The following ZNF251 variants were observed in gnomAD, a reference collection of about 807,000 sequenced individuals.
The protein encoded by ZNF251 is zinc finger protein 251.
A neutral mutation model predicts 13.5 loss-of-function variants in ZNF251; 14 were observed. The observed-to-expected ratio is 1.04, with a 90% CI of 0.69 to 1.63. The LOEUF is 1.63. ZNF251 is among the 40% of genes most tolerant of loss of function. ZNF251 has a pLI of 0.00. For synonymous variants in ZNF251, 287 were observed against 295.2 expected (o/e 0.97, Z 0.28); for missense variants, 764 against 834.9 (o/e 0.92, Z 1.05).
chr8:144,745,546 G>A (rs1002191645), intron 4 of ZNF251, among the ~76,000 whole-genome samples: 1 of 151,982 alleles, frequency 6.6e-6, no homozygotes, highest in African/African-American at 2.4e-5. Context: ...ATAACCTGCT[G>A]AGTTTTTTTC....
intron 4 of ZNF251, among the ~76,000 whole-genome samples, chr8:144,732,253 C>T (rs150805979): frequency 0.011 from 1,654 of 152,156 alleles, 30 homozygotes; most frequent in African/African-American, 0.032. Context: ...TTGCAATTTA[C>T]TTTAAAAACA....
At position 144,745,773 on chromosome 8, in the gene ZNF251, T is replaced by G. The variant is rs191241371; in HGVS notation, c.277+7910A>C. On this transcript the variant is annotated intron_variant, in intron 4 of 4. Coordinates refer to ENST00000292562, the MANE Select transcript of ZNF251 (RefSeq NM_138367.2). ...TATGTTGCCTAGGCTGGTCTTAAAC[T>G]CCTGGGCTTAAGCGATCCTCCTGCC... Among the ~76,000 whole-genome samples, 289 of 152,220 alleles carry G rather than the reference T, an allele frequency of 1.9e-3. 2 individuals carry two copies. Among genetic ancestry groups the G allele is most frequent in the Admixed American group, 9.7e-3 (148 of 15,288 alleles).
intron 4 of ZNF251, chr8:144,738,596 G>A (rs1241434740): frequency 7.1e-6 from 7 of 985,328 alleles, no homozygotes; most frequent in South Asian, 9.4e-5. Flanking sequence ...TGGCAGCCTC[G>A]TGATGCAACA....
intron 4 of ZNF251, among the ~76,000 whole-genome samples, chr8:144,745,341 G>A (rs187721761): frequency 6.6e-6 from 1 of 152,066 alleles, no homozygotes; most frequent in African/African-American, 2.4e-5. Context: ...TCTCTGTTCT[G>A]TTTCATTGAT....
chr8:144,745,058 A>AG (rs1167872818), intron 4 of ZNF251, among the ~76,000 whole-genome samples: 2 of 150,916 alleles, frequency 1.3e-5, no homozygotes, highest in Non-Finnish European at 2.9e-5. Context: ...CTCCATATGG[A>AG]GGGGGACGGG....
chr8:144,740,209 C>T (rs1239879390), intron 4 of ZNF251, among the ~76,000 whole-genome samples: 1 of 151,586 alleles, frequency 6.6e-6, no homozygotes, highest in Non-Finnish European at 1.5e-5. Flanking sequence ...GGCTTGAACC[C>T]GGGAGGTGGA....
chr8:144,723,698 G>A (rs1432421982), intron 4 of ZNF251, among the ~76,000 whole-genome samples: 1 of 152,200 alleles, frequency 6.6e-6, no homozygotes, highest in African/African-American at 2.4e-5. Context: ...GGTAAATATA[G>A]TCTCTGATCT....
intron 4 of ZNF251, among the ~76,000 whole-genome samples, chr8:144,738,157 ACACCATGC>A (rs1823989811): frequency 6.6e-6 from 1 of 152,124 alleles, no homozygotes; most frequent in African/African-American, 2.4e-5. Flanking sequence ...GCGGCCCAGC[ACACCATGC>A]CACCATGCCT....
intron 4 of ZNF251, among the ~76,000 whole-genome samples, chr8:144,742,307 G>C (rs892921688): frequency 3.9e-5 from 6 of 152,046 alleles, no homozygotes; most frequent in African/African-American, 1.4e-4. Context: ...AAGGTCTTTG[G>C]GCTGAAGGGA....
At position 144,722,390 on chromosome 8, in the gene ZNF251, C is replaced by G. The variant is rs765807577; in HGVS notation, c.1270G>C (p.Val424Leu). The change falls in exon 5 of 5, where the codon GTA (valine) becomes CTA (leucine). Residue 424 changes from valine (V) to leucine (L), a missense_variant. Physicochemically the swap from Val to Leu is conservative, Grantham distance 32 (BLOSUM62 1). Transcript: ENST00000292562. The surrounding 1 kb of genome is among the most constrained non-coding windows in gnomAD (Gnocchi z 4.8). ...FGFNSHLTEHVRIHTGEKPYV... is the reference protein window; with the variant it reads ...FGFNSHLTEHLRIHTGEKPYV... ...GGTTTTTCTCCTGTGTGAATCCTTA[C>G]GTGTTCAGTAAGATGAGAGTTAAAA... 20 of 1,613,720 alleles carry G rather than the reference C, an allele frequency of 1.2e-5. No individual in the cohort carries two copies. Among genetic ancestry groups the G allele is most frequent in the Non-Finnish European group, 1.7e-5 (20 of 1,179,876 alleles).
intron 4 of ZNF251, among the ~76,000 whole-genome samples, chr8:144,752,245 A>G (rs1393172117): frequency 6.6e-6 from 1 of 152,128 alleles, no homozygotes; most frequent in South Asian, 2.1e-4. Context: ...CAGAATACAC[A>G]TTCTTTTTCA....
At chr8:144,732,541 G>C (rs369848417) in intron 4 of ZNF251, among the ~76,000 whole-genome samples, 2 of 152,184 alleles carry the variant, frequency 1.3e-5, no homozygotes, top group Admixed American at 6.5e-5. Flanking sequence ...AGCCGGGCGC[G>C]GTGGCTCACG....
intron 4 of ZNF251, among the ~76,000 whole-genome samples, chr8:144,735,291 G>A (rs1169806578): frequency 2.0e-5 from 3 of 151,074 alleles, no homozygotes; most frequent in Non-Finnish European, 4.4e-5. Context: ...GGAGGCTGAG[G>A]TGGGAGAATT....
chr8:144,729,684 G>A (rs1243017743), intron 4 of ZNF251, among the ~76,000 whole-genome samples: 1 of 151,740 alleles, frequency 6.6e-6, no homozygotes, highest in African/African-American at 2.4e-5. Flanking sequence ...TCATATCAAC[G>A]TAACTGCCCG....
In ZNF251 at chr8:144,722,895, G is replaced by A; in HGVS notation, c.765C>T (p.His255=). ...GTTTATTTCCAGTGTGAATGTGATGGTGCAGAACAAGATTTGAGCTGTGAG... is the reference window on the plus strand; with the variant it reads ...GTTTATTTCCAGTGTGAATGTGATGATGCAGAACAAGATTTGAGCTGTGAG... ...AFTHSSNLVL[H]HHIHTGNKPF... The change falls in exon 5 of 5, where the codon CAC becomes CAT. Residue 255 remains histidine, a synonymous_variant. Coordinates refer to ENST00000292562, the MANE Select transcript of ZNF251 (RefSeq NM_138367.2). This position sits in a 1 kb window ranked among gnomAD's most constrained non-coding sequence, Gnocchi z 4.8. 1.2e-6 allele frequency: 2 copies of A among 1,613,854 alleles called. No homozygotes were observed. The highest frequency in any genetic ancestry group is 1.7e-6 in the Non-Finnish European group (2 of 1,179,856).
At chr8:144,729,427 C>T (rs1823625279) in intron 4 of ZNF251, among the ~76,000 whole-genome samples, 2 of 150,666 alleles carry the variant, frequency 1.3e-5, no homozygotes, top group Admixed American at 1.3e-4. Context: ...AGCTCCGCCT[C>T]CCGGGTTCAC....
At chr8:144,725,082 C>T (rs566891519) in intron 4 of ZNF251, among the ~76,000 whole-genome samples, 1 of 152,196 alleles carries the variant, frequency 6.6e-6, no homozygotes, top group South Asian at 2.1e-4. Context: ...GGCACGATCT[C>T]GGCTCACCAC....
At position 144,754,768 on chromosome 8, in the gene ZNF251, G is replaced by A. The variant is rs1563774527; in HGVS notation, c.-40C>T. 8.1e-6 allele frequency: 13 copies of A among 1,607,512 alleles called. No individual in the cohort carries two copies. The highest frequency in any genetic ancestry group is 3.3e-5 in the South Asian group (3 of 89,622). On this transcript the variant is annotated 5_prime_UTR_variant, in exon 2 of 5. Transcript: ENST00000292562. ...CTGCTGTGGTTTCCAAGAGAAGACA[G>A]GAGACTGCCCTGGCCTGAAGTCTCC...
At chr8:144,736,931 T>C (rs556589478) in intron 4 of ZNF251, among the ~76,000 whole-genome samples, 14 of 152,048 alleles carry the variant, frequency 9.2e-5, no homozygotes, top group Non-Finnish European at 1.6e-4. Context: ...GCCTCCCAAG[T>C]AGCTGGGATT....
Sources: allele counts gnomAD v4.1 joint callset (sites outside exome capture counted in the v4.1 genomes callset), GRCh38; gene constraint gnomAD v4.1.1; non-coding constraint Gnocchi (gnomAD v3.1); transcripts MANE v1.5; gene names NCBI Gene and HGNC (gene_info 2026-07-23, HGNC 2026-07-21).